POLR2F: variants seen among roughly 807,000 people sequenced by gnomAD.
POLR2F encodes DNA-directed RNA polymerases I, II, and III subunit RPABC2.
Under a neutral mutation model 22.7 loss-of-function variants are expected in POLR2F, and 12 were observed. The observed-to-expected ratio is 0.53, with a 90% CI of 0.34 to 0.86. The LOEUF is 0.86. Among genes scored for constraint, POLR2F ranks in the 40% least tolerant of loss-of-function variants. The probability of loss-of-function intolerance (pLI) is 0.02; values close to 1 mark genes in which losing one functional copy is unlikely to be tolerated. For synonymous variants in POLR2F, 57 were observed against 66.0 expected (o/e 0.86, Z 0.66); for missense variants, 126 against 171.5 (o/e 0.73, Z 1.48).
downstream of POLR2F, chr22:38,041,378 G>C (rs563128817): frequency 1.8e-5 from 8 of 447,314 alleles, no homozygotes; most frequent in South Asian, 1.2e-4. Context: ...GGACTGTTGG[G>C]ATGTCTGGAG....
At chr22:37,987,455 C>T (rs1932616136) in intron 1 of POLR2F, 1 of 363,232 alleles carries the variant, frequency 2.8e-6, no homozygotes, top group Admixed American at 3.4e-5. Context: ...GGGAGCTGGT[C>T]CGGCTTTATG....
intron 1 of POLR2F, among the ~76,000 whole-genome samples, chr22:37,992,111 T>C (rs922954570): frequency 3.9e-5 from 6 of 152,166 alleles, no homozygotes; most frequent in African/African-American, 1.4e-4. Flanking sequence ...GCTGGGACTA[T>C]AGGTGTGTGC....
intron 3 of POLR2F, among the ~76,000 whole-genome samples, chr22:37,960,498 C>T (rs1025102337): frequency 1.8e-4 from 27 of 151,936 alleles, no homozygotes; most frequent in East Asian, 3.9e-4. Flanking sequence ...CCTGGCTTCA[C>T]GCCCTTCTCC....
intron 1 of POLR2F, among the ~76,000 whole-genome samples, chr22:38,022,551 C>CAAAAAAAA (rs376987789): frequency 5.4e-5 from 3 of 55,682 alleles, no homozygotes; most frequent in Non-Finnish European, 7.3e-5. Flanking sequence ...AACGCTGTCT[C>CAAAAAAAA]AAAAAAAAAA....
downstream of POLR2F, chr22:37,973,928 G>A (rs1423365132): frequency 1.2e-6 from 2 of 1,610,240 alleles, no homozygotes; most frequent in South Asian, 1.1e-5. Context: ...CACGGCCAGG[G>A]CACTGCCCAG....
intron 1 of POLR2F, among the ~76,000 whole-genome samples, chr22:38,024,855 G>A (rs1248812420): frequency 3.3e-5 from 5 of 152,056 alleles, no homozygotes; most frequent in African/African-American, 1.2e-4. Flanking sequence ...GTCGTGCAGG[G>A]TGCTGTGGAC....
At chr22:38,002,806 A>G (rs1173884623) in intron 1 of POLR2F, among the ~76,000 whole-genome samples, 1 of 150,572 alleles carries the variant, frequency 6.6e-6, no homozygotes, top group East Asian at 2.0e-4. Context: ...GCTCACTGCA[A>G]GCTCCGCCTC....
At chr22:38,040,301 A>AAAAG (rs1331584283) in intron 5 of POLR2F, 1 of 152,092 alleles carries the variant, frequency 6.6e-6, no homozygotes, top group African/African-American at 2.4e-5. Flanking sequence ...AAAAAAAAAA[A>AAAAG]AAAAGAAATT....
rs556772595 is a variant in POLR2F, at chr22:37,986,812, C to T, written c.120+500C>T. On this transcript the variant is annotated intron_variant, in intron 1 of 2. Coordinates refer to the POLR2F transcript ENST00000333418. The surrounding 1 kb of genome is among the most constrained non-coding windows in gnomAD (Gnocchi z 4.7). ...TGCTGGCAACTGGGATCCCCTCCAT[C>T]CCATCCCAGGCCCTGGGAACCCAGT... 6.5e-6 allele frequency: 3 copies of T among 459,486 alleles called. No homozygotes were observed. The highest frequency in any genetic ancestry group is 4.6e-5 in the South Asian group (3 of 64,572). 28.5% of individuals were successfully genotyped at this position (459,486 alleles called of 1,614,324 possible).
intron 3 of POLR2F, among the ~76,000 whole-genome samples, chr22:37,962,100 G>A (rs1487548630): frequency 3.9e-5 from 6 of 152,056 alleles, no homozygotes; most frequent in South Asian, 2.1e-4. Flanking sequence ...GTGTGGTGGC[G>A]TGCGCCTGTA....
Position 37,986,521 on chromosome 22 carries a change from GT to G in POLR2F, c.120+210del, listed in dbSNP as rs1932584169. ...CCTGCTTCCTCCTTTGCCCTCCTTG[GT>G]CCAGCTGTGCCAGGATGGGGGTGGG... On this transcript the variant is annotated intron_variant, in intron 1 of 2. Coordinates refer to the POLR2F transcript ENST00000333418. This position sits in a 1 kb window ranked among gnomAD's most constrained non-coding sequence, Gnocchi z 4.7. 8.3e-7 allele frequency: 1 copy of G among 1,209,884 alleles called. No homozygotes were observed. The highest frequency in any genetic ancestry group is 1.2e-6 in the Non-Finnish European group (1 of 849,878). 74.9% of individuals were successfully genotyped at this position (1,209,884 alleles called of 1,614,324 possible).
At chr22:38,038,901 G>C (rs1286394260) in intron 5 of POLR2F, among the ~76,000 whole-genome samples, 1 of 152,012 alleles carries the variant, frequency 6.6e-6, no homozygotes, top group Non-Finnish European at 1.5e-5. Flanking sequence ...CCCTCAGGGC[G>C]GCCTGGGCTT....
intron 1 of POLR2F, among the ~76,000 whole-genome samples, chr22:37,994,542 G>GC: frequency 6.6e-6 from 1 of 151,268 alleles, no homozygotes; most frequent in East Asian, 1.9e-4. Context: ...TTTTTGAGAC[G>GC]GAGTCTCTCT....
chr22:38,000,859 C>T (rs1473581044), intron 1 of POLR2F, among the ~76,000 whole-genome samples: 1 of 152,202 alleles, frequency 6.6e-6, no homozygotes, highest in African/African-American at 2.4e-5. Context: ...AGCTCATAGC[C>T]TGGTGACCTT....
intron 5 of POLR2F, chr22:38,033,125 C>A (rs1309260444): frequency 6.2e-6 from 1 of 162,054 alleles, no homozygotes; most frequent in East Asian, 1.9e-4. Context: ...TGATACCGCA[C>A]TCCAGCCTGG....
chr22:37,955,318 C>T (rs558714953), intron 1 of POLR2F, among the ~76,000 whole-genome samples: 1 of 150,422 alleles, frequency 6.6e-6, no homozygotes, highest in Non-Finnish European at 1.5e-5. Context: ...GAGGGTGGAT[C>T]ACCTGAGGCC....
At chr22:38,014,364 T>TTG (rs1444132377) in intron 1 of POLR2F, among the ~76,000 whole-genome samples, 5 of 151,832 alleles carry the variant, frequency 3.3e-5, no homozygotes, top group East Asian at 3.9e-4. Flanking sequence ...ATTTTTTTTT[T>TTG]TTTGAGACAG....
At chr22:37,955,358 G>T (rs915573085) in intron 1 of POLR2F, among the ~76,000 whole-genome samples, 1 of 151,920 alleles carries the variant, frequency 6.6e-6, no homozygotes. Flanking sequence ...GGTCAACATG[G>T]TGAAACCCCA....
At chr22:37,989,888 C>T (rs1311607043) in intron 1 of POLR2F, among the ~76,000 whole-genome samples, 1 of 152,212 alleles carries the variant, frequency 6.6e-6, no homozygotes, top group African/African-American at 2.4e-5. Context: ...CCTCCCTCTG[C>T]CTGCTGGCGG....
Sources: allele counts gnomAD v4.1 joint callset (sites outside exome capture counted in the v4.1 genomes callset), GRCh38; gene constraint gnomAD v4.1.1; non-coding constraint Gnocchi (gnomAD v3.1); transcripts MANE v1.5; gene names NCBI Gene and HGNC (gene_info 2026-07-23, HGNC 2026-07-21).